The following TRIM44 variants were observed in gnomAD, a reference collection of about 807,000 sequenced individuals.
The protein encoded by TRIM44 is tripartite motif-containing protein 44.
A neutral mutation model predicts 37.4 loss-of-function variants in TRIM44; 13 were observed. The ratio of observed to expected loss-of-function variants is 0.35; its 90% confidence interval spans 0.23 to 0.55. The LOEUF (loss-of-function observed/expected upper bound fraction) is 0.55. Among genes scored for constraint, TRIM44 ranks in the 20% least tolerant of loss-of-function variants. TRIM44 has a pLI of 0.89. For missense variants in TRIM44, 426 were observed against 437.2 expected, an observed-to-expected ratio of 0.97 and a Z score of 0.23; for synonymous variants, 175 against 157.2, an observed-to-expected ratio of 1.11 and a Z score of -0.85.
chr11:35,719,351 A>G lies in TRIM44; in HGVS notation c.748-6573A>G, dbSNP rs1590371. Among the ~76,000 whole-genome samples, 2,114 of 152,220 alleles carry G rather than the reference A, an allele frequency of 0.014. 119 individuals are homozygous for G. In the East Asian group the frequency reaches 0.14, roughly 10 times the overall value. ...GATATATGATGTTGAGCATCTTTTC[A>G]TGTGCTTATTTGCCATCTGCATATC... On this transcript the variant is annotated intron_variant, in intron 2 of 4. Coordinates refer to ENST00000299413, the MANE Select transcript of TRIM44 (RefSeq NM_017583.6).
chr11:35,715,017 AC>A (rs1852021147), intron 2 of TRIM44, among the ~76,000 whole-genome samples: 1 of 152,140 alleles, frequency 6.6e-6, no homozygotes, highest in Non-Finnish European at 1.5e-5. Flanking sequence ...CTTTATTGCC[AC>A]CCTGGGGTCA....
chr11:35,697,040 G>A (rs541774121), intron 2 of TRIM44, among the ~76,000 whole-genome samples: 3 of 151,988 alleles, frequency 2.0e-5, no homozygotes, highest in Admixed American at 6.5e-5. Context: ...ATCTTAGTTT[G>A]ACCATAAGGT....
chr11:35,714,178 A>G (rs1172767980), intron 2 of TRIM44, among the ~76,000 whole-genome samples: 1 of 152,162 alleles, frequency 6.6e-6, no homozygotes, highest in Non-Finnish European at 1.5e-5. Flanking sequence ...GTGAGAGCTC[A>G]GTAGATACCA....
intron 3 of TRIM44, among the ~76,000 whole-genome samples, chr11:35,729,453 C>T (rs1276853776): frequency 5.3e-5 from 8 of 152,122 alleles, no homozygotes; most frequent in Non-Finnish European, 1.0e-4. Flanking sequence ...AGTAATAGTA[C>T]GGAGGAAGTA....
At chr11:35,761,005 C>A (rs1440005155) in intron 4 of TRIM44, among the ~76,000 whole-genome samples, 1 of 152,150 alleles carries the variant, frequency 6.6e-6, no homozygotes, top group Non-Finnish European at 1.5e-5. Context: ...TCTGTAAGAT[C>A]AACTTTTTTA....
chr11:35,770,885 G>T (rs1411904002), intron 4 of TRIM44, among the ~76,000 whole-genome samples: 3 of 152,042 alleles, frequency 2.0e-5, no homozygotes, highest in African/African-American at 7.3e-5. Flanking sequence ...CGTGTAAGAG[G>T]TACCTTTTGC....
intron 4 of TRIM44, among the ~76,000 whole-genome samples, chr11:35,790,815 C>G (rs1378087370): frequency 1.3e-5 from 2 of 152,164 alleles, no homozygotes; most frequent in Non-Finnish European, 2.9e-5. Flanking sequence ...TTCTTACCTT[C>G]TTTTCCGTTT....
rs1456681170 is a variant in TRIM44 at position 35,806,580 on chromosome 11, C to G, written c.*195C>G. 3 of 596,098 alleles carry G rather than the reference C, an allele frequency of 5.0e-6. No individual in the cohort carries two copies. The African/African-American group carries it at 5.6e-5, about 11-fold the overall frequency. 36.9% of individuals were successfully genotyped at this position (596,098 alleles called of 1,614,324 possible). On this transcript the variant is annotated 3_prime_UTR_variant, in exon 5 of 5. Coordinates refer to ENST00000299413, the MANE Select transcript of TRIM44 (RefSeq NM_017583.6). ...TATGCTTACTGTGTGCTTCTCATCCCCTGGTTGTGGTAGGTCAAGGAAAAG... is the reference window on the plus strand; with the variant it reads ...TATGCTTACTGTGTGCTTCTCATCCGCTGGTTGTGGTAGGTCAAGGAAAAG...
intron 4 of TRIM44, among the ~76,000 whole-genome samples, chr11:35,789,881 A>C (rs1421640314): frequency 2.0e-5 from 3 of 150,586 alleles, no homozygotes; most frequent in African/African-American, 7.5e-5. Context: ...CGTAAATACG[A>C]TAGATTTCTA....
Position 35,816,804 on chromosome 11 carries a change from C to T in TRIM44, c.*10419C>T, listed in dbSNP as rs1038621260. The stretch of plus-strand genomic sequence containing the variant: ...ACAGGGCTTAGTACAGTGCCTGACA[C>T]ATAGTAAGCACTTAGAAATGGTAGC... On this transcript the variant is annotated 3_prime_UTR_variant, in exon 5 of 5. Coordinates refer to ENST00000299413, the MANE Select transcript of TRIM44 (RefSeq NM_017583.6). 7.2e-5 allele frequency: 11 copies of T among 152,180 alleles called. No homozygotes were observed. Among genetic ancestry groups the T allele is most frequent in the African/African-American group, 2.7e-4 (11 of 41,442 alleles). 9.4% of individuals were successfully genotyped at this position (152,180 alleles called of 1,614,324 possible).
At chr11:35,775,626 C>T (rs1338081888) in intron 4 of TRIM44, among the ~76,000 whole-genome samples, 2 of 152,046 alleles carry the variant, frequency 1.3e-5, no homozygotes, top group South Asian at 2.1e-4. Context: ...TAGCTCTTAC[C>T]ATTTTGAGAT....
chr11:35,708,991 C>G (rs867708608), intron 2 of TRIM44, among the ~76,000 whole-genome samples: 86 of 149,556 alleles, frequency 5.8e-4, no homozygotes, highest in Middle Eastern at 6.8e-3. Flanking sequence ...TGCCCCCCCC[C>G]CAAAAAAAAA....
At chr11:35,788,646 C>T (rs1310668596) in intron 4 of TRIM44, among the ~76,000 whole-genome samples, 1 of 152,204 alleles carries the variant, frequency 6.6e-6, no homozygotes. Flanking sequence ...ATCGTCTTGC[C>T]TTTCACACAA....
rs1852316945 is a variant in TRIM44, at chr11:35,735,457, T to C, written c.1007+12T>C. 1.9e-6 allele frequency: 3 copies of C among 1,613,582 alleles called. No individual in the cohort carries two copies. Among genetic ancestry groups the C allele is most frequent in the Middle Eastern group, 1.7e-4 (1 of 6,054 alleles). ...GAGGAAGGACCCAGGTAAGATCACATTGTTGCTTGTCTTTTCTCATAATTG... is the reference window on the plus strand; with the variant it reads ...GAGGAAGGACCCAGGTAAGATCACACTGTTGCTTGTCTTTTCTCATAATTG... On this transcript the variant is annotated intron_variant, in intron 4 of 4. Coordinates refer to ENST00000299413, the MANE Select transcript of TRIM44 (RefSeq NM_017583.6).
At chr11:35,702,337 C>T (rs1025043487) in intron 2 of TRIM44, among the ~76,000 whole-genome samples, 7 of 152,332 alleles carry the variant, frequency 4.6e-5, no homozygotes, top group African/African-American at 1.4e-4. Flanking sequence ...GCGCATCCAC[C>T]GTTCTTTGAC....
intron 4 of TRIM44, among the ~76,000 whole-genome samples, chr11:35,748,078 CTT>C (rs746208257): frequency 7.2e-5 from 11 of 152,066 alleles, no homozygotes; most frequent in Non-Finnish European, 1.5e-4. Context: ...CCAACCAAGT[CTT>C]TTTAAGGAAT....
intron 2 of TRIM44, among the ~76,000 whole-genome samples, chr11:35,685,768 A>T (rs950649758): frequency 2.4e-4 from 37 of 152,088 alleles, no homozygotes; most frequent in African/African-American, 8.9e-4. Context: ...GGTCCAAGCC[A>T]TTCTCCTGCC....
At chr11:35,788,951 T>C (rs556099024) in intron 4 of TRIM44, among the ~76,000 whole-genome samples, 21 of 152,334 alleles carry the variant, frequency 1.4e-4, no homozygotes, top group African/African-American at 4.6e-4. Flanking sequence ...TTAACTCCTT[T>C]TTTCTTTCTT....
intron 2 of TRIM44, among the ~76,000 whole-genome samples, chr11:35,702,293 C>T (rs933480008): frequency 6.6e-6 from 1 of 152,218 alleles, no homozygotes; most frequent in Non-Finnish European, 1.5e-5. Flanking sequence ...CTCGCCCACG[C>T]TCCGGGAGGG....
Sources: gnomAD v4.1 joint callset for allele counts (sites outside exome capture counted in the v4.1 genomes callset) on GRCh38, gnomAD v4.1.1 for gene constraint, MANE v1.5 for transcripts, NCBI Gene and HGNC (gene_info 2026-07-23, HGNC 2026-07-21) for gene names.